DRAXIN: variants seen among roughly 807,000 people sequenced by gnomAD.
The protein encoded by DRAXIN is dorsal inhibitory axon guidance protein, also known as dorsal repulsive axon guidance protein.
A neutral mutation model predicts 33.9 loss-of-function variants in DRAXIN; 27 were observed. The observed-to-expected ratio is 0.80, with a 90% CI of 0.59 to 1.10. The LOEUF (loss-of-function observed/expected upper bound fraction) is 1.10. Ranked by LOEUF, DRAXIN falls within the 50% of genes least tolerant of loss-of-function variation. The probability of loss-of-function intolerance (pLI) is 0.00; values close to 1 mark genes in which losing one functional copy is unlikely to be tolerated. For missense variants in DRAXIN, 371 were observed against 460.8 expected (o/e 0.81, Z 1.78); for synonymous variants, 178 against 194.0 (o/e 0.92, Z 0.69).
rs1473413370 is a variant in DRAXIN at position 11,704,993 on chromosome 1, C to T, written c.-10-1256C>T. Among the ~76,000 whole-genome samples the T allele has an allele frequency of 1.3e-5, 2 of 152,310 alleles. No homozygotes were observed. The highest frequency in any genetic ancestry group is 1.9e-4 in the East Asian group (1 of 5,180). On this transcript the variant is annotated intron_variant, in intron 1 of 6. Transcript: ENST00000294485. This position sits in a 1 kb window ranked among gnomAD's most constrained non-coding sequence, Gnocchi z 4.6. ...AGGGCACAGCAGTTTCCCTGCCCTACCACCCTCCCTCGGGGTCGGGGCTAA... is the reference window on the plus strand; with the variant it reads ...AGGGCACAGCAGTTTCCCTGCCCTATCACCCTCCCTCGGGGTCGGGGCTAA...
chr1:11,702,129 ACT>A (rs144629639), intron 1 of DRAXIN, among the ~76,000 whole-genome samples: 2,275 of 151,346 alleles, frequency 0.015, 25 homozygotes, highest in Non-Finnish European at 0.019. Flanking sequence ...ACATGCTCAC[ACT>A]CATACGTACA....
intron 1 of DRAXIN, among the ~76,000 whole-genome samples, chr1:11,698,188 G>A (rs1461370292): frequency 6.6e-6 from 1 of 152,220 alleles, no homozygotes; most frequent in Non-Finnish European, 1.5e-5. Flanking sequence ...GAGGGATCAG[G>A]AGGGGGGTTA....
chr1:11,690,194 G>C (rs76309297), upstream of DRAXIN, among the ~76,000 whole-genome samples: 2,042 of 152,062 alleles, frequency 0.013, 48 homozygotes, highest in African/African-American at 0.046. The surrounding 1 kb of genome is among the most constrained non-coding windows in gnomAD (Gnocchi z 4.2). Flanking sequence ...TAGAATCTGA[G>C]CTCCATGGGG....
chr1:11,690,226 G>A (rs890700995), upstream of DRAXIN, among the ~76,000 whole-genome samples: 1 of 151,994 alleles, frequency 6.6e-6, no homozygotes, highest in Non-Finnish European at 1.5e-5. The surrounding 1 kb of genome is among the most constrained non-coding windows in gnomAD (Gnocchi z 4.2). Flanking sequence ...TGTCCATGTT[G>A]TTTACTACTG....
intron 6 of DRAXIN, 150 bp downstream of exon 6, chr1:11,715,358 T>C: frequency 3.3e-6 from 3 of 911,334 alleles, no homozygotes; most frequent in Non-Finnish European, 5.1e-6. Flanking sequence ...GGTGGGAGAA[T>C]CCCTCGGGAG....
At chr1:11,700,853 G>C (rs1418156517) in intron 1 of DRAXIN, among the ~76,000 whole-genome samples, 2 of 152,302 alleles carry the variant, frequency 1.3e-5, no homozygotes, top group East Asian at 3.9e-4. Flanking sequence ...CAGGAAGGCC[G>C]ATCAGCGCCG....
chr1:11,719,484 G>A, intron 6 of DRAXIN, 100 bp from the exon 7 acceptor site: 1 of 1,033,762 alleles, frequency 9.7e-7, no homozygotes, highest in Middle Eastern at 3.0e-4. Context: ...GCAGAATAAT[G>A]AAGGCAGGAG....
chr1:11,693,165 T>C (rs759346450), intron 1 of DRAXIN, among the ~76,000 whole-genome samples: 3 of 151,960 alleles, frequency 2.0e-5, no homozygotes, highest in Non-Finnish European at 4.4e-5. Context: ...CTCCTCCTCT[T>C]TGCTTGTCCT....
intron 5 of DRAXIN, among the ~76,000 whole-genome samples, chr1:11,713,297 T>A (rs1641526570): frequency 6.6e-6 from 1 of 152,114 alleles, no homozygotes; most frequent in Non-Finnish European, 1.5e-5. Flanking sequence ...GGTTAAGAAG[T>A]GGCTCCAACC....
At position 11,706,453 on chromosome 1, in the gene DRAXIN, G is replaced by C; in HGVS notation, c.195G>C (p.Lys65Asn). 1 of 1,611,320 alleles carries C rather than the reference G, an allele frequency of 6.2e-7. No individual in the cohort carries two copies. Among genetic ancestry groups the C allele is most frequent in the Admixed American group, 1.7e-5 (1 of 59,918 alleles). ...SHHRRRGPGK[K>N]EWGPGLPSQA... ...ACCGCCGGCGGGGCCCGGGCAAGAA[G>C]GAGTGGGGCCCAGGCCTGCCCAGCC... The change falls in exon 2 of 7, where the codon AAG (lysine) becomes AAC (asparagine). Residue 65 changes from lysine to asparagine, a missense_variant. Lys to Asn is a moderately conservative substitution (Grantham distance 94). Coordinates refer to ENST00000294485, the MANE Select transcript of DRAXIN (RefSeq NM_198545.4). This position sits in a 1 kb window ranked among gnomAD's most constrained non-coding sequence, Gnocchi z 5.5.
At chr1:11,710,634 G>A (rs528498654) in intron 3 of DRAXIN, among the ~76,000 whole-genome samples, 5 of 152,006 alleles carry the variant, frequency 3.3e-5, no homozygotes, top group African/African-American at 4.8e-5. Context: ...AGGTTTTCAG[G>A]CCGGGCGCGG....
chr1:11,686,934 C>T (rs1036176050), upstream of DRAXIN, among the ~76,000 whole-genome samples: 1 of 152,036 alleles, frequency 6.6e-6, no homozygotes, highest in African/African-American at 2.4e-5. Context: ...TCGCTACTCT[C>T]TAATTCGGAA....
intron 3 of DRAXIN, among the ~76,000 whole-genome samples, chr1:11,709,739 G>T (rs1438231116): frequency 3.9e-5 from 6 of 152,230 alleles, no homozygotes; most frequent in Non-Finnish European, 7.3e-5. Context: ...CAGCATGCTG[G>T]TGTCTGCATG....
chr1:11,719,406 T>G (rs932640247), intron 6 of DRAXIN, among the ~76,000 whole-genome samples, 178 bp from the exon 7 acceptor site: 1 of 152,180 alleles, frequency 6.6e-6, no homozygotes, highest in East Asian at 1.9e-4. Flanking sequence ...CCGTGTTCAT[T>G]CCTCCCCTCT....
At chr1:11,691,019 C>A (rs1433116760), upstream of DRAXIN, among the ~76,000 whole-genome samples, 1 of 152,168 alleles carries the variant, frequency 6.6e-6, no homozygotes, top group Admixed American at 6.5e-5. Context: ...GGTGCGCCGT[C>A]AGCGCCCCAG....
chr1:11,710,921 C>CAAAAAA (rs57916288), intron 3 of DRAXIN, among the ~76,000 whole-genome samples: 44,077 of 88,518 alleles, frequency 0.5, 11,862 homozygotes, highest in African/African-American at 0.6. Flanking sequence ...GACTCCATCT[C>CAAAAAA]AAAAAAAAAA....
At chr1:11,712,496 G>C (rs1641510069) in intron 5 of DRAXIN, 67 bp downstream of exon 5, 5 of 1,524,204 alleles carry the variant, frequency 3.3e-6, no homozygotes, top group Non-Finnish European at 4.5e-6. Flanking sequence ...GTGGGAGTGG[G>C]GGTTCCCACA....
rs960149632 is a variant in DRAXIN, at chr1:11,712,241, T to C, written c.758-99T>C. The C allele has an allele frequency of 2.9e-6, 4 of 1,364,082 alleles. No homozygotes were observed. The African/African-American group carries it at 5.7e-5, about 19-fold the overall frequency. The allele number at this position is 1,364,082 out of a possible 1,614,324, so 84.5% of individuals were successfully genotyped here. A position where few individuals can be genotyped will look rare whatever the true frequency, so the allele number is the denominator to read the frequency against. ...CAACAGTGCCTTGTCCAAGCCATGC[T>C]GTAGAGTGGTGGTATGGGCACTCCA... On this transcript the variant is annotated intron_variant, in intron 4 of 6. Transcript: ENST00000294485.
chr1:11,697,200 T>C (rs1641207574), intron 1 of DRAXIN, among the ~76,000 whole-genome samples: 1 of 152,216 alleles, frequency 6.6e-6, no homozygotes. Context: ...GTCAGCTTAG[T>C]GGGTTTGGGC....
Sources: gnomAD v4.1 joint callset for allele counts (sites outside exome capture counted in the v4.1 genomes callset) on GRCh38, gnomAD v4.1.1 for gene constraint, Gnocchi (gnomAD v3.1) non-coding constraint, MANE v1.5 for transcripts, NCBI Gene and HGNC (gene_info 2026-07-23, HGNC 2026-07-21) for gene names.